The following HBP1 variants were observed in gnomAD, a reference collection of about 807,000 sequenced individuals.
The protein encoded by HBP1 is HMG box-containing protein 1.
A neutral mutation model predicts 62.6 loss-of-function variants in HBP1; 20 were observed. The observed-to-expected ratio is 0.32, with a 90% confidence interval of 0.22 to 0.46. The LOEUF (loss-of-function observed/expected upper bound fraction) is 0.46, where lower values mean the gene tolerates loss of function less well. HBP1 is among the 20% of genes least tolerant of loss of function. HBP1 has a pLI of 1.00. For missense variants in HBP1, 480 were observed against 611.8 expected (o/e 0.78, Z 2.27); for synonymous variants, 232 against 206.2 (o/e 1.12, Z -1.07).
rs568865298 is a variant in HBP1 at position 107,178,817 on chromosome 7, G to A, written c.-15-1062G>A. Among the ~76,000 whole-genome samples the A allele has an allele frequency of 4.5e-4, 68 of 152,330 alleles. 1 individual carries two copies. In the South Asian group the frequency reaches 5.2e-3, roughly 12 times the overall value. On this transcript the variant is annotated intron_variant, in intron 1 of 10. Transcript: ENST00000222574. Reference sequence around the variant, plus strand: ...GGAGGCCGAGGCGGGTGGATCACCTGAGATCAGGAGTTTGAGACCAGCCTG... The same window carrying A: ...GGAGGCCGAGGCGGGTGGATCACCTAAGATCAGGAGTTTGAGACCAGCCTG...
chr7:107,193,323 G>A (rs1041143514), intron 8 of HBP1: 2 of 152,102 alleles, frequency 1.3e-5, no homozygotes, highest in Non-Finnish European at 2.9e-5. Flanking sequence ...AGTTGAGAGA[G>A]GTTAAGGAAC....
At chr7:107,200,379 C>G in intron 10 of HBP1, 78 bp downstream of exon 10, 2 of 1,244,294 alleles carry the variant, frequency 1.6e-6, no homozygotes, top group South Asian at 1.4e-5. Context: ...GCAGTTGTTA[C>G]AACCTTTAAG....
chr7:107,199,971 G>C (rs1387930884), intron 9 of HBP1, among the ~76,000 whole-genome samples, 189 bp from the exon 10 acceptor site: 1 of 152,198 alleles, frequency 6.6e-6, no homozygotes, highest in African/African-American at 2.4e-5. Context: ...TGCTGATACG[G>C]AACAATGGAT....
intron 6 of HBP1, among the ~76,000 whole-genome samples, chr7:107,187,276 T>C (rs1207103334): frequency 6.6e-6 from 1 of 152,074 alleles, no homozygotes; most frequent in Non-Finnish European, 1.5e-5. Flanking sequence ...TATTTATATG[T>C]AATGAATAAA....
At chr7:107,180,657 A>G (rs1797063684) in intron 2 of HBP1, among the ~76,000 whole-genome samples, 1 of 152,144 alleles carries the variant, frequency 6.6e-6, no homozygotes, top group South Asian at 2.1e-4. Context: ...GGTTTCCTTC[A>G]TGTTTATAAA....
chr7:107,195,010 C>A, intron 8 of HBP1, among the ~76,000 whole-genome samples: 1 of 152,080 alleles, frequency 6.6e-6, no homozygotes. Flanking sequence ...AACAAATGAC[C>A]CAGATTACTG....
intron 3 of HBP1, 114 bp downstream of exon 3, chr7:107,182,715 A>G: frequency 1.7e-6 from 1 of 598,906 alleles, no homozygotes; most frequent in South Asian, 2.3e-5. Context: ...AATTTAAGTC[A>G]TTAGAATTAA....
intron 8 of HBP1, chr7:107,192,919 T>C (rs1423506670): frequency 6.6e-6 from 1 of 152,200 alleles, no homozygotes; most frequent in African/African-American, 2.4e-5. Context: ...AGATGATGCC[T>C]GGCCTAGGGG....
At chr7:107,186,253 C>G in intron 4 of HBP1, 108 bp from the exon 5 acceptor site, 3 of 567,280 alleles carry the variant, frequency 5.3e-6, no homozygotes, top group Non-Finnish European at 9.0e-6. Context: ...GTTAGAATTA[C>G]TAAGTTATCC....
chr7:107,184,850 G>A (rs1257833944), intron 3 of HBP1, among the ~76,000 whole-genome samples: 1 of 152,116 alleles, frequency 6.6e-6, no homozygotes, highest in Non-Finnish European at 1.5e-5. Context: ...GTACAGACAT[G>A]CATAAACTTT....
chr7:107,200,769 A>G (rs1798214091), intron 10 of HBP1: 1 of 152,896 alleles, frequency 6.5e-6, no homozygotes, highest in Non-Finnish European at 1.5e-5. Flanking sequence ...GAATTTCTAG[A>G]TTGAAAAATT....
At chr7:107,188,567 G>A (rs1454277899) in intron 6 of HBP1, among the ~76,000 whole-genome samples, 1 of 152,112 alleles carries the variant, frequency 6.6e-6, no homozygotes, top group Non-Finnish European at 1.5e-5. Context: ...ATGTTTGTTA[G>A]TGTTTGTATT....
At chr7:107,191,797 A>T (rs1278902479) in intron 8 of HBP1, among the ~76,000 whole-genome samples, 13 of 152,324 alleles carry the variant, frequency 8.5e-5, no homozygotes, top group Admixed American at 7.2e-4. Flanking sequence ...AATAACCCTT[A>T]TATATGGTTT....
intron 1 of HBP1, among the ~76,000 whole-genome samples, chr7:107,172,731 T>C (rs1048510783): frequency 6.6e-6 from 1 of 152,090 alleles, no homozygotes; most frequent in Admixed American, 6.5e-5. Context: ...GATAGGTAGA[T>C]AGGTACTAGT....
chr7:107,177,295 C>A (rs890765452), intron 1 of HBP1, among the ~76,000 whole-genome samples: 1 of 152,198 alleles, frequency 6.6e-6, no homozygotes, highest in Non-Finnish European at 1.5e-5. Flanking sequence ...AAACCCGTTT[C>A]CTTACATCTA....
intron 8 of HBP1, among the ~76,000 whole-genome samples, chr7:107,193,562 T>C (rs1797752497): frequency 6.6e-6 from 1 of 152,242 alleles, no homozygotes; most frequent in Non-Finnish European, 1.5e-5. Context: ...AAACTGAGGC[T>C]ACAGGGTTTA....
At chr7:107,180,236 G>A (rs1797047031) in intron 2 of HBP1, among the ~76,000 whole-genome samples, 174 bp downstream of exon 2, 1 of 152,176 alleles carries the variant, frequency 6.6e-6, no homozygotes, top group South Asian at 2.1e-4. Context: ...ACCAACATGA[G>A]TTGGGCTATT....
At chr7:107,176,454 C>T (rs1796856440) in intron 1 of HBP1, among the ~76,000 whole-genome samples, 1 of 152,154 alleles carries the variant, frequency 6.6e-6, no homozygotes, top group South Asian at 2.1e-4. Context: ...GCAACTAATA[C>T]AATGCCCTGT....
At chr7:107,176,289 G>T (rs1332340312) in intron 1 of HBP1, among the ~76,000 whole-genome samples, 1 of 152,136 alleles carries the variant, frequency 6.6e-6, no homozygotes, top group Non-Finnish European at 1.5e-5. Context: ...TTCCCAAAGT[G>T]CTGGGATTAC....
Sources: allele counts gnomAD v4.1 joint callset (sites outside exome capture counted in the v4.1 genomes callset), GRCh38; gene constraint gnomAD v4.1.1; transcripts MANE v1.5; gene names NCBI Gene and HGNC (gene_info 2026-07-23, HGNC 2026-07-21).